Variants in PDS5B observed in about 807,000 individuals in gnomAD.
The protein encoded by PDS5B is PDS5 cohesin associated factor B, also known as sister chromatid cohesion protein PDS5 homolog B.
Under a neutral mutation model 184.1 loss-of-function variants are expected in PDS5B, and 51 were observed. That is an observed-to-expected ratio of 0.28 (90% confidence interval 0.22 to 0.35). The LOEUF (loss-of-function observed/expected upper bound fraction) is 0.35, where lower values mean the gene tolerates loss of function less well. Ranked by LOEUF, PDS5B falls within the 10% of genes least tolerant of loss-of-function variation. PDS5B has a pLI of 1.00. For synonymous variants in PDS5B, 566 were observed against 569.2 expected (o/e 0.99, Z 0.08); for missense variants, 1,180 against 1,723.3 (o/e 0.68, Z 5.58).
At chr13:32,598,835 A>G (rs1172189282) in intron 1 of PDS5B, among the ~76,000 whole-genome samples, 1 of 139,380 alleles carries the variant, frequency 7.2e-6, no homozygotes, top group South Asian at 2.2e-4. Context: ...CAGTGGCACT[A>G]TCTCGGCTTA....
chr13:32,731,622 A>G (rs1241100761), intron 19 of PDS5B, among the ~76,000 whole-genome samples: 1 of 151,928 alleles, frequency 6.6e-6, no homozygotes, highest in African/African-American at 2.4e-5. Context: ...GCCTTTTAAT[A>G]GTCCCTGGCA....
At chr13:32,757,130 TAAAA>T (rs879507407) in intron 26 of PDS5B, among the ~76,000 whole-genome samples, 1 of 143,068 alleles carries the variant, frequency 7.0e-6, no homozygotes, top group African/African-American at 2.5e-5. Context: ...CTGTCTCTAT[TAAAA>T]AAAAAAAAAA....
At chr13:32,760,278 T>G (rs1232615501) in intron 29 of PDS5B, among the ~76,000 whole-genome samples, 1 of 152,212 alleles carries the variant, frequency 6.6e-6, no homozygotes, top group African/African-American at 2.4e-5. Context: ...CTTATGTCTT[T>G]CCATGGCAAG....
At chr13:32,722,203 A>G (rs536295107) in intron 19 of PDS5B, among the ~76,000 whole-genome samples, 587 of 152,328 alleles carry the variant, frequency 3.9e-3, no homozygotes, top group African/African-American at 0.014. Context: ...AAAAAATACA[A>G]AAACCAGTCA....
At chr13:32,594,240 A>G (rs929797568) in intron 1 of PDS5B, among the ~76,000 whole-genome samples, 4 of 151,910 alleles carry the variant, frequency 2.6e-5, no homozygotes, top group Non-Finnish European at 4.4e-5. Context: ...ATGTAAGTAC[A>G]CAGTAAAAAA....
At chr13:32,774,826 G>A (rs1343215154) in intron 34 of PDS5B, among the ~76,000 whole-genome samples, 191 bp from the exon 35 acceptor site, 1 of 152,102 alleles carries the variant, frequency 6.6e-6, no homozygotes, top group Non-Finnish European at 1.5e-5. Flanking sequence ...CTGTGAGCCT[G>A]TAAGGGATCA....
At chr13:32,633,823 G>T (rs2058496201) in intron 1 of PDS5B, among the ~76,000 whole-genome samples, 2 of 152,094 alleles carry the variant, frequency 1.3e-5, no homozygotes, top group Non-Finnish European at 2.9e-5. Flanking sequence ...TTTTAATGAG[G>T]TAGAATTAAT....
chr13:32,731,543 T>G (rs1043636180), intron 19 of PDS5B, among the ~76,000 whole-genome samples: 1 of 139,564 alleles, frequency 7.2e-6, no homozygotes, highest in Non-Finnish European at 1.5e-5. Flanking sequence ...TCTCACAGTT[T>G]AACATAACAT....
At chr13:32,739,122 C>A (rs1953447447) in intron 21 of PDS5B, among the ~76,000 whole-genome samples, 1 of 151,336 alleles carries the variant, frequency 6.6e-6, no homozygotes, top group African/African-American at 2.4e-5. Flanking sequence ...TGAAGGTTTT[C>A]TTTTTTTACA....
chr13:32,715,328 T>C (rs1344386026), intron 19 of PDS5B, among the ~76,000 whole-genome samples: 3 of 152,216 alleles, frequency 2.0e-5, no homozygotes, highest in Non-Finnish European at 4.4e-5. Context: ...CCACCCCTTT[T>C]TTATCATGAG....
intron 1 of PDS5B, among the ~76,000 whole-genome samples, chr13:32,594,875 G>A (rs1007715699): frequency 7.2e-5 from 11 of 152,164 alleles, no homozygotes; most frequent in African/African-American, 2.4e-4. Context: ...TTACGCTGTC[G>A]TTTTGATATA....
intron 1 of PDS5B, among the ~76,000 whole-genome samples, chr13:32,605,129 T>G (rs1410880614): frequency 6.6e-6 from 1 of 151,516 alleles, no homozygotes; most frequent in African/African-American, 2.4e-5. Flanking sequence ...TTTGAATATG[T>G]TTGCTTCTCT....
chr13:32,668,999 A>G (rs1950867040), intron 7 of PDS5B, among the ~76,000 whole-genome samples: 1 of 152,160 alleles, frequency 6.6e-6, no homozygotes, highest in Non-Finnish European at 1.5e-5. Context: ...CAAATCTGTA[A>G]TCTATCTTAA....
At chr13:32,598,103 TCTCA>T (rs1226439171) in intron 1 of PDS5B, among the ~76,000 whole-genome samples, 3 of 151,850 alleles carry the variant, frequency 2.0e-5, no homozygotes, top group African/African-American at 7.3e-5. Flanking sequence ...TGAGATGGAG[TCTCA>T]CTCTGTCACC....
intron 24 of PDS5B, among the ~76,000 whole-genome samples, chr13:32,747,227 T>C (rs1953780478): frequency 6.6e-6 from 1 of 152,072 alleles, no homozygotes; most frequent in Non-Finnish European, 1.5e-5. Flanking sequence ...TCAGTATGAG[T>C]TTTTCATTAA....
chr13:32,759,853 C>T (rs992818792), intron 29 of PDS5B, among the ~76,000 whole-genome samples, 163 bp downstream of exon 29: 1 of 151,978 alleles, frequency 6.6e-6, no homozygotes, highest in Non-Finnish European at 1.5e-5. Flanking sequence ...ATTATATTTA[C>T]TAGATATACA....
chr13:32,677,273 A>G (rs1566315135), intron 9 of PDS5B, among the ~76,000 whole-genome samples: 1 of 152,004 alleles, frequency 6.6e-6, no homozygotes, highest in Non-Finnish European at 1.5e-5. Flanking sequence ...ATGCAACTTA[A>G]TTTAAAGTTT....
At chr13:32,686,714 GT>G in intron 11 of PDS5B, among the ~76,000 whole-genome samples, 1 of 152,180 alleles carries the variant, frequency 6.6e-6, no homozygotes, top group Non-Finnish European at 1.5e-5. Flanking sequence ...GAGCCCAGTT[GT>G]TCATGACTTT....
At chr13:32,685,001 T>A (rs1470742826) in intron 11 of PDS5B, among the ~76,000 whole-genome samples, 1 of 152,134 alleles carries the variant, frequency 6.6e-6, no homozygotes, top group Non-Finnish European at 1.5e-5. Flanking sequence ...TAGTCCCAGC[T>A]ACTCGGGAGG....
Sources: allele counts gnomAD v4.1 joint callset (sites outside exome capture counted in the v4.1 genomes callset), GRCh38; gene constraint gnomAD v4.1.1; transcripts MANE v1.5; gene names NCBI Gene and HGNC (gene_info 2026-07-23, HGNC 2026-07-21).